The following EXOSC9 variants were observed in gnomAD, a reference collection of about 807,000 sequenced individuals.
EXOSC9 encodes the protein exosome component 9, also known as exosome complex component RRP45.
EXOSC9 carries 38 observed loss-of-function variants against 56.5 expected under a neutral mutation model. The observed-to-expected ratio is 0.67, with a 90% CI of 0.52 to 0.88. EXOSC9 has a LOEUF of 0.88. Among genes scored for constraint, EXOSC9 ranks in the 40% least tolerant of loss-of-function variants. EXOSC9 has a pLI of 0.00. For synonymous variants in EXOSC9, 170 were observed against 170.8 expected, an observed-to-expected ratio of 0.99 and a Z score of 0.04; for missense variants, 559 against 530.5, an observed-to-expected ratio of 1.05 and a Z score of -0.53.
In EXOSC9 at chr4:121,811,603, C is replaced by T. The variant is rs529702587; in HGVS notation, c.759C>T (p.Ile253=). 3.8e-6 allele frequency: 6 copies of T among 1,584,570 alleles called. No homozygotes were observed. In the Admixed American group the frequency reaches 8.7e-5, roughly 23 times the overall value. Residue 253 remains isoleucine, a synonymous_variant, in exon 8 of 12, where the codon ATC becomes ATT. Transcript: ENST00000243498. ...LKDQVLRCSK[I]AGVKVAEITE... ...AATAGGTTCTGAGATGCAGTAAAAT[C>T]GCTGGTGTGAAAGTAGCAGAAATTA...
chr4:121,801,343 G>GC lies in EXOSC9; in HGVS notation c.-82_-81insC, dbSNP rs942941568. On this transcript the variant is annotated 5_prime_UTR_variant, in exon 1 of 12. Transcript: ENST00000243498. ...ATGACGTAATTTTCCTGCGCCTCGG[G>GC]GCGAGCAGCGGCGCGCAAGGAAAGA... is the stretch of plus-strand genomic sequence containing the variant. 168 of 1,361,394 alleles carry GC rather than the reference G, an allele frequency of 1.2e-4. 1 individual carries two copies. In the African/African-American group the frequency reaches 2.0e-3, roughly 16 times the overall value. 84.3% of individuals were successfully genotyped at this position (1,361,394 alleles called of 1,614,324 possible).
At chr4:121,809,705 G>C in intron 6 of EXOSC9, 1 of 474,862 alleles carries the variant, frequency 2.1e-6, no homozygotes, top group Non-Finnish European at 3.8e-6. Flanking sequence ...ATTAGGTTTA[G>C]ATTATATATC....
At position 121,809,996 on chromosome 4, in the gene EXOSC9, GAGA is replaced by G; in HGVS notation, c.640_642del (p.Glu214del). The G allele has an allele frequency of 6.2e-7, 1 of 1,614,018 alleles. No homozygotes were observed. Among genetic ancestry groups the G allele is most frequent in the Non-Finnish European group, 8.5e-7 (1 of 1,179,932 alleles). ...TATTTATTGGTGGATCCCAATGAAC[GAGA>G]AGAACGTGTGATGGATGGCTTGCTG... On this transcript the variant is annotated inframe_deletion, in exon 7 of 12. Transcript: ENST00000243498.
intron 10 of EXOSC9, chr4:121,815,922 A>G (rs1724481076): frequency 1.6e-6 from 2 of 1,217,252 alleles, no homozygotes; most frequent in Admixed American, 4.3e-5. Flanking sequence ...TGAGTTCTAG[A>G]GTGCTCTAAG....
chr4:121,812,151 A>C (rs1454085348), intron 8 of EXOSC9, among the ~76,000 whole-genome samples: 2 of 152,222 alleles, frequency 1.3e-5, no homozygotes, highest in African/African-American at 4.8e-5. Context: ...AAACCCACTT[A>C]TTGCAAAATG....
chr4:121,810,445 C>T (rs1019704720), intron 7 of EXOSC9, among the ~76,000 whole-genome samples: 11 of 151,182 alleles, frequency 7.3e-5, no homozygotes, highest in Admixed American at 2.0e-4. Context: ...TTTGGGAGGC[C>T]GTGGCTGGTG....
At chr4:121,807,836 A>T (rs563100795) in intron 6 of EXOSC9, 2 of 579,888 alleles carry the variant, frequency 3.4e-6, no homozygotes, top group Admixed American at 6.2e-5. Context: ...ACTTCCCAAC[A>T]TTTTTCTTTT....
At chr4:121,808,701 A>G (rs1048654480) in intron 6 of EXOSC9, among the ~76,000 whole-genome samples, 9 of 150,544 alleles carry the variant, frequency 6.0e-5, no homozygotes, top group Non-Finnish European at 1.2e-4. Context: ...TTTTTAAGAC[A>G]AGGTCTCCCT....
Position 121,813,699 on chromosome 4 carries a change from C to G in EXOSC9, c.975-167C>G, listed in dbSNP as rs149466972. The G allele has an allele frequency of 1.3e-5, 7 of 529,676 alleles. No individual in the cohort carries two copies. The East Asian group carries it at 2.1e-4, about 16-fold the overall frequency. 32.8% of individuals were successfully genotyped at this position (529,676 alleles called of 1,614,324 possible). A position where few individuals can be genotyped will look rare whatever the true frequency, so the allele number is the denominator to read the frequency against. ...ATAAAATCTTGCCTGAGTTTTTTTT[C>G]TTCTTCATTGTTCAGCCATCCATAG... is the stretch of plus-strand genomic sequence containing the variant. On this transcript the variant is annotated intron_variant, in intron 9 of 11. Coordinates refer to ENST00000243498, the MANE Select transcript of EXOSC9 (RefSeq NM_005033.3).
intron 5 of EXOSC9, among the ~76,000 whole-genome samples, chr4:121,806,385 C>T (rs893202642): frequency 2.0e-5 from 3 of 151,960 alleles, no homozygotes; most frequent in South Asian, 4.2e-4. Context: ...CTCCCAACCT[C>T]GTCCACATCG....
chr4:121,815,310 T>C (rs1475849533), intron 10 of EXOSC9: 1 of 951,224 alleles, frequency 1.1e-6, no homozygotes, highest in Non-Finnish European at 1.3e-6. Context: ...TCACTGTTAA[T>C]ATCCTTGCAC....
At chr4:121,814,711 C>T (rs1724420226) in intron 10 of EXOSC9, 1 of 152,018 alleles carries the variant, frequency 6.6e-6, no homozygotes, top group African/African-American at 2.4e-5. Flanking sequence ...ATTAAGCAGC[C>T]ACATGTGGCT....
chr4:121,811,577 A>T lies in EXOSC9; in HGVS notation c.739-6A>T. 6.6e-7 allele frequency: 1 copy of T among 1,525,304 alleles called. No individual in the cohort carries two copies. The highest frequency in any genetic ancestry group is 8.9e-7 in the Non-Finnish European group (1 of 1,121,916). 94.5% of individuals were successfully genotyped at this position (1,525,304 alleles called of 1,614,324 possible). On this transcript the variant is annotated splice_polypyrimidine_tract_variant and splice_region_variant and intron_variant, in intron 7 of 11. Transcript: ENST00000243498. ...TTTAAACAACAGAATTCACTTTTATAAATAGGTTCTGAGATGCAGTAAAAT... is the reference window on the plus strand; with the variant it reads ...TTTAAACAACAGAATTCACTTTTATTAATAGGTTCTGAGATGCAGTAAAAT...
At chr4:121,816,488 C>G (rs766002721) in intron 11 of EXOSC9, 41 bp downstream of exon 11, 2 of 1,259,748 alleles carry the variant, frequency 1.6e-6, no homozygotes, top group African/African-American at 3.0e-5. Context: ...TACATATACT[C>G]AACACTTATA....
In EXOSC9 at chr4:121,810,058, A is replaced by G. The variant is rs1727166800; in HGVS notation, c.697A>G (p.Thr233Ala). The change falls in exon 7 of 12, where the codon ACT (threonine) becomes GCT (alanine). Residue 233 changes from threonine to alanine, a missense_variant. Physicochemically the swap from Thr to Ala is moderately conservative, Grantham distance 58 (BLOSUM62 0). Coordinates refer to ENST00000243498, the MANE Select transcript of EXOSC9 (RefSeq NM_005033.3). ...CATGAACAAACATCGAGAGATTTGT[A>G]CTATCCAGTCCAGTGGTGGGATAAT... is the stretch of plus-strand genomic sequence containing the variant. ...IAMNKHREIC[T>A]IQSSGGIMLL... 4 of 1,613,594 alleles carry G rather than the reference A, an allele frequency of 2.5e-6. No individual in the cohort carries two copies. In the South Asian group the frequency reaches 3.3e-5, roughly 13 times the overall value.
chr4:121,811,489 T>TC, intron 7 of EXOSC9, 94 bp from the exon 8 acceptor site: 2 of 641,580 alleles, frequency 3.1e-6, no homozygotes, highest in Non-Finnish European at 5.1e-6. Flanking sequence ...CAGGCTTAAA[T>TC]TATAAAGGTA....
chr4:121,816,575 C>G, intron 11 of EXOSC9, 128 bp downstream of exon 11: 1 of 794,392 alleles, frequency 1.3e-6, no homozygotes, highest in Non-Finnish European at 1.9e-6. Context: ...CATTAGAGAT[C>G]CATCTGTTCT....
chr4:121,807,161 A>G (rs749742717), intron 5 of EXOSC9, among the ~76,000 whole-genome samples: 2 of 152,150 alleles, frequency 1.3e-5, no homozygotes, highest in Non-Finnish European at 2.9e-5. Flanking sequence ...GTGGTGGCAC[A>G]TGCCTGTAAT....
chr4:121,804,476 A>C (rs1726961220), intron 4 of EXOSC9, 146 bp from the exon 5 acceptor site: 3 of 496,866 alleles, frequency 6.0e-6, no homozygotes, highest in African/African-American at 3.9e-5. Flanking sequence ...ATTTTCTAAA[A>C]TATATTTTTT....
Sources: gnomAD v4.1 joint callset for allele counts (sites outside exome capture counted in the v4.1 genomes callset) on GRCh38, gnomAD v4.1.1 for gene constraint, MANE v1.5 for transcripts, NCBI Gene and HGNC (gene_info 2026-07-23, HGNC 2026-07-21) for gene names.